IRF2: variants seen among roughly 807,000 people sequenced by gnomAD.
The protein encoded by IRF2 is interferon regulatory factor 2.
Under a neutral mutation model 40.6 loss-of-function variants are expected in IRF2, and 15 were observed. That is an observed-to-expected ratio of 0.37 (90% CI 0.25 to 0.57). The LOEUF (loss-of-function observed/expected upper bound fraction) is 0.57. IRF2 is among the 20% of genes least tolerant of loss of function. IRF2 has a pLI of 0.77. For synonymous variants in IRF2, 151 were observed against 165.5 expected (o/e 0.91, Z 0.67); for missense variants, 317 against 455.7 (o/e 0.70, Z 2.77).
At chr4:184,463,499 C>T (rs1739216165) in intron 1 of IRF2, among the ~76,000 whole-genome samples, 1 of 152,162 alleles carries the variant, frequency 6.6e-6, no homozygotes, top group African/African-American at 2.4e-5. Context: ...ACATTAACGA[C>T]ATACTGAAAT....
chr4:184,473,539 C>G (rs903699073), intron 1 of IRF2, among the ~76,000 whole-genome samples: 8 of 147,904 alleles, frequency 5.4e-5, no homozygotes, highest in African/African-American at 1.2e-4. Context: ...GGGCGCTGGC[C>G]GGCGGGAAGG....
At chr4:184,460,141 T>G (rs1739082087) in intron 1 of IRF2, among the ~76,000 whole-genome samples, 1 of 152,202 alleles carries the variant, frequency 6.6e-6, no homozygotes, top group Non-Finnish European at 1.5e-5. Flanking sequence ...GGAATATTAC[T>G]CAGTCTTACA....
At chr4:184,420,278 C>A (rs1031502480) in intron 2 of IRF2, among the ~76,000 whole-genome samples, 1 of 152,200 alleles carries the variant, frequency 6.6e-6, no homozygotes, top group Non-Finnish European at 1.5e-5. Context: ...CTCCAGCTAT[C>A]TTAGGTAAAT....
intron 1 of IRF2, among the ~76,000 whole-genome samples, chr4:184,444,195 G>A (rs1224309487): frequency 6.6e-6 from 1 of 152,136 alleles, no homozygotes; most frequent in Non-Finnish European, 1.5e-5. Context: ...TATATGAGAT[G>A]AGGAGAGGAA....
intron 1 of IRF2, among the ~76,000 whole-genome samples, chr4:184,471,441 G>A (rs1739510780): frequency 6.6e-6 from 1 of 152,158 alleles, no homozygotes; most frequent in Admixed American, 6.5e-5. Context: ...TATTGAGTGT[G>A]TACATAAATT....
chr4:184,440,237 T>A (rs1285504248), intron 1 of IRF2, among the ~76,000 whole-genome samples: 1 of 152,142 alleles, frequency 6.6e-6, no homozygotes, highest in African/African-American at 2.4e-5. Context: ...ACCCACGGCC[T>A]CCTTCCATGC....
intron 5 of IRF2, among the ~76,000 whole-genome samples, chr4:184,415,520 G>A (rs1311735544): frequency 2.0e-5 from 3 of 152,350 alleles, no homozygotes; most frequent in East Asian, 1.9e-4. Flanking sequence ...GAACTACTAA[G>A]ATGTACATTT....
intron 1 of IRF2, among the ~76,000 whole-genome samples, chr4:184,445,684 C>G (rs1026354467): frequency 2.0e-5 from 3 of 148,828 alleles, no homozygotes; most frequent in South Asian, 2.1e-4. Context: ...AGAAGAAGAA[C>G]AATACAGTAA....
At position 184,389,380 on chromosome 4, in the gene IRF2, T is replaced by C. The variant is rs556332127; in HGVS notation, c.742-314A>G. The stretch of plus-strand genomic sequence containing the variant: ...CCTCAGTCAGCTATGATTGCGCCAC[T>C]GCACTCCAGCCAGGGCAACAGAATG... On this transcript the variant is annotated intron_variant, in intron 8 of 8. Transcript: ENST00000393593. Among the ~76,000 whole-genome samples, 10 of 152,290 alleles carry C rather than the reference T, an allele frequency of 6.6e-5. No homozygotes were observed. The East Asian group carries it at 1.5e-3, about 24-fold the overall frequency.
At chr4:184,461,074 C>T (rs1260122667) in intron 1 of IRF2, among the ~76,000 whole-genome samples, 2 of 152,256 alleles carry the variant, frequency 1.3e-5, no homozygotes, top group East Asian at 3.9e-4. Flanking sequence ...CACTTTACCG[C>T]GGGGGGCAGG....
At chr4:184,418,468 A>C in intron 4 of IRF2, 64 bp downstream of exon 4, 8 of 1,423,886 alleles carry the variant, frequency 5.6e-6, no homozygotes, top group African/African-American at 1.4e-5. Flanking sequence ...GTAGAAATGA[A>C]GAGATCACGA....
chr4:184,459,808 C>T (rs1439570654), intron 1 of IRF2, among the ~76,000 whole-genome samples: 1 of 152,122 alleles, frequency 6.6e-6, no homozygotes, highest in Non-Finnish European at 1.5e-5. Context: ...CGTGAGCTAC[C>T]ACTTCATACC....
At chr4:184,409,261 C>T (rs1463158916) in intron 5 of IRF2, among the ~76,000 whole-genome samples, 1 of 152,166 alleles carries the variant, frequency 6.6e-6, no homozygotes, top group African/African-American at 2.4e-5. Flanking sequence ...CAGTGGTCGG[C>T]TCTGAAACAT....
At chr4:184,411,551 A>G (rs1254551309) in intron 5 of IRF2, among the ~76,000 whole-genome samples, 1 of 152,150 alleles carries the variant, frequency 6.6e-6, no homozygotes, top group Non-Finnish European at 1.5e-5. Flanking sequence ...CTCTGGACAG[A>G]CAGTACAGTC....
chr4:184,473,782 C>T (rs1290531039), intron 1 of IRF2, among the ~76,000 whole-genome samples: 6 of 151,516 alleles, frequency 4.0e-5, no homozygotes, highest in African/African-American at 1.5e-4. Context: ...TCCTCCCGGC[C>T]GGGGAGCGGT....
chr4:184,410,134 C>T (rs1199668865), intron 5 of IRF2, among the ~76,000 whole-genome samples: 4 of 152,196 alleles, frequency 2.6e-5, no homozygotes, highest in African/African-American at 4.8e-5. Flanking sequence ...CTTGAGAGCT[C>T]GGGCTTTGGA....
Position 184,389,044 on chromosome 4 carries a change from C to T in IRF2, c.764G>A (p.Arg255Lys), listed in dbSNP as rs769603397. ...SAEGRPHWRKRNIEGKQYLSN... is the reference protein window; with the variant it reads ...SAEGRPHWRKKNIEGKQYLSN... Reference sequence around the variant, plus strand: ...GAGGTACTGTTTGCCTTCAATATTCCTCTTCCGCCAGTGTGGCCGCCCCTT... The same window carrying T: ...GAGGTACTGTTTGCCTTCAATATTCTTCTTCCGCCAGTGTGGCCGCCCCTT... The change falls in exon 9 of 9, where the codon AGG becomes AAG. Residue 255 changes from arginine (R) to lysine (K), a missense_variant. Physicochemically the swap from Arg to Lys is conservative, Grantham distance 26 (BLOSUM62 2). Around this residue, in one of 2 missense-constraint regions of IRF2, gnomAD observed 262 missense variants for 334.0 expected, o/e 0.78. Coordinates refer to ENST00000393593, the MANE Select transcript of IRF2 (RefSeq NM_002199.4). 5 of 1,614,232 alleles carry T rather than the reference C, an allele frequency of 3.1e-6. No homozygotes were observed. The highest frequency in any genetic ancestry group is 4.2e-6 in the Non-Finnish European group (5 of 1,180,040).
intron 1 of IRF2, among the ~76,000 whole-genome samples, chr4:184,460,201 A>AT (rs1739084468): frequency 1.3e-5 from 2 of 152,366 alleles, no homozygotes; most frequent in South Asian, 4.1e-4. Context: ...CCTGGAAAAC[A>AT]TTCTGCTAAG....
intron 1 of IRF2, among the ~76,000 whole-genome samples, chr4:184,460,329 C>G (rs793802): frequency 9.0e-4 from 137 of 152,232 alleles, no homozygotes; most frequent in African/African-American, 3.2e-3. Context: ...CTGCGGGAAG[C>G]AGTTATTGTT....
Sources: allele counts gnomAD v4.1 joint callset (sites outside exome capture counted in the v4.1 genomes callset), GRCh38; gene constraint gnomAD v4.1.1; regional missense constraint gnomAD v4.1.1; transcripts MANE v1.5; gene names NCBI Gene and HGNC (gene_info 2026-07-23, HGNC 2026-07-21).